Variants in MEDAG observed in about 807,000 individuals in gnomAD.
MEDAG encodes mesenteric estrogen dependent adipogenesis, also known as mesenteric estrogen-dependent adipogenesis protein.
In MEDAG, 25 loss-of-function variants were observed where a neutral mutation model predicts 29.9. That is an observed-to-expected ratio of 0.84 (90% CI 0.61 to 1.17). The LOEUF is 1.17. Ranked by LOEUF, MEDAG falls within the 50% of genes most tolerant of loss-of-function variation. The pLI, the probability that MEDAG is intolerant of heterozygous loss-of-function variation, is 0.00. For synonymous variants in MEDAG, 158 were observed against 148.2 expected, an observed-to-expected ratio of 1.07 and a Z score of -0.48; for missense variants, 398 against 372.9, an observed-to-expected ratio of 1.07 and a Z score of -0.56.
intron 4 of MEDAG, chr13:30,922,971 A>C (rs1040230524): frequency 2.0e-5 from 3 of 152,084 alleles, no homozygotes; most frequent in Non-Finnish European, 4.4e-5. Flanking sequence ...CTCAGGCTGG[A>C]GTGCAGTGGT....
At chr13:30,908,272 A>C (rs1169422404) in intron 1 of MEDAG, among the ~76,000 whole-genome samples, 2 of 152,250 alleles carry the variant, frequency 1.3e-5, no homozygotes, top group East Asian at 3.8e-4. Flanking sequence ...ACTGGGCCAC[A>C]GTGACCAGGT....
chr13:30,920,550 C>A lies in MEDAG; in HGVS notation c.389-464C>A, dbSNP rs12584659. Among the ~76,000 whole-genome samples the A allele has an allele frequency of 8.9e-3, 1,353 of 151,786 alleles. 109 individuals carry two copies. The East Asian group carries it at 0.2, about 23-fold the overall frequency. ...GCTGCAGTGAGCTTTGATTACACCACTGTACTCCAGCCTGGGTGACAGAAA... is the reference window on the plus strand; with the variant it reads ...GCTGCAGTGAGCTTTGATTACACCAATGTACTCCAGCCTGGGTGACAGAAA... On this transcript the variant is annotated intron_variant, in intron 2 of 4. Transcript: ENST00000380482.
intron 1 of MEDAG, among the ~76,000 whole-genome samples, chr13:30,911,402 G>T (rs947078485): frequency 3.9e-5 from 6 of 152,010 alleles, no homozygotes; most frequent in African/African-American, 1.5e-4. Context: ...AGCCACACTT[G>T]GGTCTCCTTT....
Position 30,921,118 on chromosome 13 carries a change from C to T in MEDAG, c.493C>T (p.Arg165Trp), listed in dbSNP as rs764239466. 5.8e-5 allele frequency: 94 copies of T among 1,612,884 alleles called. No individual in the cohort carries two copies. The highest frequency in any genetic ancestry group is 8.3e-5 in the Admixed American group (5 of 59,926). The change falls in exon 3 of 5, where the codon CGG becomes TGG. Residue 165 changes from arginine to tryptophan, a missense_variant. Physicochemically the swap from Arg to Trp is moderately radical, Grantham distance 101. Transcript: ENST00000380482. ...VISSVIGESY[R>W]LQFDFQEAVK... is the part of the protein sequence containing the mutation. ...CTCCTCAGTGATTGGAGAAAGTTAC[C>T]GGCTTCAGGTAAGCCTAGCCTGTCT...
rs1952894421 is a variant in MEDAG at position 30,912,856 on chromosome 13, C to T, written c.279-4547C>T. On this transcript the variant is annotated intron_variant, in intron 1 of 4. Transcript: ENST00000380482. The stretch of plus-strand genomic sequence containing the variant: ...TATTTCCTGGGAACTCAAATGAACA[C>T]AGCCCTGGTTGGGAGTCAGAAGTTT... Among the ~76,000 whole-genome samples the T allele has an allele frequency of 2.0e-5, 3 of 152,322 alleles. No individual in the cohort carries two copies. The South Asian group carries it at 6.2e-4, about 32-fold the overall frequency.
At position 30,917,517 on chromosome 13, in the gene MEDAG, GTATC is replaced by G; in HGVS notation, c.388+9_388+12del. On this transcript the variant is annotated splice_donor_region_variant and intron_variant, in intron 2 of 4. Transcript: ENST00000380482. ...CCAAAAAAGACACCTCAAAAGGTAA[GTATC>G]TATATTAGTCCATTTTCACACTGCT... The G allele has an allele frequency of 1.4e-6, 2 of 1,463,186 alleles. No homozygotes were observed. The highest frequency in any genetic ancestry group is 9.6e-7 in the Non-Finnish European group (1 of 1,044,072). The allele number at this position is 1,463,186 out of a possible 1,614,324, so 90.6% of individuals were successfully genotyped here. A position where few individuals can be genotyped will look rare whatever the true frequency, so the allele number is the denominator to read the frequency against.
At chr13:30,906,915 C>G in intron 1 of MEDAG, 122 bp downstream of exon 1, 1 of 1,021,486 alleles carries the variant, frequency 9.8e-7, no homozygotes. Context: ...GCCCCTTGCT[C>G]CGTGCGCTTC....
At chr13:30,914,763 C>G (rs1952911398) in intron 1 of MEDAG, among the ~76,000 whole-genome samples, 1 of 152,234 alleles carries the variant, frequency 6.6e-6, no homozygotes, top group Non-Finnish European at 1.5e-5. Context: ...TGTGGGATCA[C>G]TGACCCATTG....
intron 1 of MEDAG, among the ~76,000 whole-genome samples, chr13:30,909,373 A>C: frequency 6.6e-6 from 1 of 151,706 alleles, no homozygotes. Context: ...TGTATTTTTG[A>C]CCCTTAATGG....
At chr13:30,909,944 T>C (rs1442168661) in intron 1 of MEDAG, among the ~76,000 whole-genome samples, 1 of 152,204 alleles carries the variant, frequency 6.6e-6, no homozygotes, top group Non-Finnish European at 1.5e-5. Context: ...AAATCCAGCA[T>C]AGTGGGAAGG....
intron 1 of MEDAG, among the ~76,000 whole-genome samples, chr13:30,907,364 A>G (rs1952840945): frequency 6.6e-6 from 1 of 152,234 alleles, no homozygotes; most frequent in Admixed American, 6.5e-5. Context: ...TGAGAAGGGA[A>G]CAAAGCCCCT....
intron 1 of MEDAG, among the ~76,000 whole-genome samples, chr13:30,911,962 G>C (rs987132796): frequency 3.3e-5 from 5 of 152,116 alleles, no homozygotes; most frequent in African/African-American, 1.2e-4. Context: ...TACCAAAATG[G>C]TGTATTTTCT....
rs772250763 is a variant in MEDAG, at chr13:30,921,792, C to G, written c.733C>G (p.Pro245Ala). 1.4e-5 allele frequency: 23 copies of G among 1,612,606 alleles called. No homozygotes were observed. Among genetic ancestry groups the G allele is most frequent in the East Asian group, 6.7e-5 (3 of 44,854 alleles). ...GTTATTTCTGGAAAAAATGAGTGAG[C>G]CTTTAATCCGAAGGAGCAGTTTCTC... Reference protein sequence around the residue: ...IKLFLEKMSEPLIRRSSFSDR... With the variant: ...IKLFLEKMSEALIRRSSFSDR... Residue 245 changes from proline (P) to alanine (A), a missense_variant, in exon 4 of 5, where the codon CCT becomes GCT. Pro to Ala is a conservative substitution (Grantham distance 27). Transcript: ENST00000380482.
chr13:30,911,594 T>C (rs1398115443), intron 1 of MEDAG, among the ~76,000 whole-genome samples: 1 of 152,152 alleles, frequency 6.6e-6, no homozygotes, highest in African/African-American at 2.4e-5. Context: ...CTACCCATCT[T>C]ACCCCAGTAC....
intron 2 of MEDAG, 33 bp downstream of exon 2, chr13:30,917,545 C>A: frequency 8.6e-7 from 1 of 1,168,744 alleles, no homozygotes; most frequent in Non-Finnish European, 1.3e-6. Context: ...TTTCACACTG[C>A]TATAAAGAAA....
At position 30,921,817 on chromosome 13, in the gene MEDAG, C is replaced by T. The variant is rs1952989677; in HGVS notation, c.758C>T (p.Ser253Phe). ...SEPLIRRSSF[S>F]DRKFSVTSRG... ...CCTTTAATCCGAAGGAGCAGTTTCT[C>T]TGACCGAAAGTTCAGTGTAACTTCC... The change falls in exon 4 of 5, where the codon TCT becomes TTT. Residue 253 changes from serine (S) to phenylalanine (F), a missense_variant. Transcript: ENST00000380482. 6 of 1,609,842 alleles carry T rather than the reference C, an allele frequency of 3.7e-6. No individual in the cohort carries two copies. Among genetic ancestry groups the T allele is most frequent in the Non-Finnish European group, 5.1e-6 (6 of 1,178,676 alleles).
At position 30,921,088 on chromosome 13, in the gene MEDAG, G is replaced by A; in HGVS notation, c.463G>A (p.Val155Ile). The change falls in exon 3 of 5, where the codon GTC (valine) becomes ATC (isoleucine). Residue 155 changes from valine to isoleucine, a missense_variant. By Grantham distance (29) the Val-to-Ile change is conservative. Transcript: ENST00000380482. ...RRQIEQGMDM[V>I]ISSVIGESYR... ...ACAGATAGAGCAAGGGATGGACATGGTCATCTCCTCAGTGATTGGAGAAAG... is the reference window on the plus strand; with the variant it reads ...ACAGATAGAGCAAGGGATGGACATGATCATCTCCTCAGTGATTGGAGAAAG... 6.2e-7 allele frequency: 1 copy of A among 1,614,186 alleles called. No homozygotes were observed. Among genetic ancestry groups the A allele is most frequent in the East Asian group, 2.2e-5 (1 of 44,884 alleles).
chr13:30,906,588 C>T lies in MEDAG; in HGVS notation c.73C>T (p.Leu25=). The change falls in exon 1 of 5, where the codon CTG becomes TTG. Residue 25 remains leucine, a synonymous_variant. Transcript: ENST00000380482. ...CATCTCGTCTGGGGAGCTTCGCAGC[C>T]TGTGGACCTGCGACTGCGAGCTGGC... ...TSISSGELRS[L]WTCDCELALL... 6.3e-7 allele frequency: 1 copy of T among 1,587,518 alleles called. No homozygotes were observed. The highest frequency in any genetic ancestry group is 8.5e-7 in the Non-Finnish European group (1 of 1,175,604).
At chr13:30,917,018 G>T (rs929689544) in intron 1 of MEDAG, among the ~76,000 whole-genome samples, 2 of 152,158 alleles carry the variant, frequency 1.3e-5, no homozygotes, top group Non-Finnish European at 2.9e-5. Context: ...TAAACAGGAT[G>T]ACTCCACTGG....
Sources: allele counts gnomAD v4.1 joint callset (sites outside exome capture counted in the v4.1 genomes callset), GRCh38; gene constraint gnomAD v4.1.1; transcripts MANE v1.5; gene names NCBI Gene and HGNC (gene_info 2026-07-23, HGNC 2026-07-21).